ROBO1: variants seen among roughly 807,000 people sequenced by gnomAD.
The protein encoded by ROBO1 is roundabout guidance receptor 1, also known as roundabout homolog 1.
A neutral mutation model predicts 195.9 loss-of-function variants in ROBO1; 149 were observed. That is an observed-to-expected ratio of 0.76 (90% CI 0.67 to 0.87). The LOEUF (loss-of-function observed/expected upper bound fraction) is 0.87. Ranked by LOEUF, ROBO1 falls within the 40% of genes least tolerant of loss-of-function variation. ROBO1 has a pLI of 0.00. For synonymous variants in ROBO1, 816 were observed against 733.2 expected (o/e 1.11, Z -1.82); for missense variants, 1,933 against 2,068.3 (o/e 0.93, Z 1.27).
chr3:79,100,639 T>C (rs2079658700), intron 3 of ROBO1, among the ~76,000 whole-genome samples: 1 of 151,846 alleles, frequency 6.6e-6, no homozygotes, highest in Admixed American at 6.6e-5. Context: ...AAATAATTTA[T>C]GTTAAGTGAC....
chr3:79,112,954 T>TA (rs556229437), intron 3 of ROBO1, among the ~76,000 whole-genome samples: 16 of 147,802 alleles, frequency 1.1e-4, no homozygotes, highest in African/African-American at 1.5e-4. Context: ...GAGATGTGGT[T>TA]AAAAAAAAAA....
At chr3:78,623,294 A>G (rs566399116) in intron 26 of ROBO1, among the ~76,000 whole-genome samples, 2 of 152,306 alleles carry the variant, frequency 1.3e-5, no homozygotes, top group African/African-American at 4.8e-5. Context: ...TTAATCTTGG[A>G]TCTAAAGGAT....
At chr3:79,574,298 T>A (rs1943376292) in intron 2 of ROBO1, among the ~76,000 whole-genome samples, 1 of 152,044 alleles carries the variant, frequency 6.6e-6, no homozygotes, top group Admixed American at 6.6e-5. Context: ...CGCGTTTACA[T>A]ACATTCTACT....
intron 4 of ROBO1, among the ~76,000 whole-genome samples, chr3:78,797,660 G>T (rs2084226379): frequency 6.6e-6 from 1 of 152,048 alleles, no homozygotes; most frequent in Admixed American, 6.6e-5. Context: ...GTCGGGGATG[G>T]GTGTGGTACT....
At chr3:79,273,189 G>C (rs1216375970) in intron 2 of ROBO1, among the ~76,000 whole-genome samples, 17 of 152,060 alleles carry the variant, frequency 1.1e-4, no homozygotes, top group Non-Finnish European at 1.5e-5. Flanking sequence ...AGTGGTAGTA[G>C]TTAACTGACA....
At chr3:79,421,126 A>C (rs1235171857) in intron 2 of ROBO1, among the ~76,000 whole-genome samples, 2 of 152,118 alleles carry the variant, frequency 1.3e-5, no homozygotes, top group African/African-American at 2.4e-5. Context: ...CAGAAATAGA[A>C]AATGAAATAC....
At chr3:78,806,706 G>A (rs1336509410) in intron 4 of ROBO1, among the ~76,000 whole-genome samples, 1 of 152,140 alleles carries the variant, frequency 6.6e-6, no homozygotes, top group Non-Finnish European at 1.5e-5. Context: ...AACCATGTTT[G>A]CATAAATATG....
intron 2 of ROBO1, among the ~76,000 whole-genome samples, chr3:79,229,941 CTCTT>C (rs2082291807): frequency 6.6e-6 from 1 of 152,188 alleles, no homozygotes; most frequent in Admixed American, 6.5e-5. Context: ...TCATAAGCGA[CTCTT>C]TCTTTCAGTA....
intron 10 of ROBO1, among the ~76,000 whole-genome samples, chr3:78,672,335 T>C (rs1390036198): frequency 2.0e-5 from 3 of 152,110 alleles, no homozygotes; most frequent in African/African-American, 7.2e-5. Flanking sequence ...ATCCTGCACT[T>C]TGGGTGGCCA....
intron 2 of ROBO1, among the ~76,000 whole-genome samples, chr3:79,215,410 A>G (rs527863073): frequency 6.6e-6 from 1 of 152,104 alleles, no homozygotes; most frequent in Admixed American, 6.6e-5. Flanking sequence ...AGCATAAACT[A>G]ATCGGAGGAA....
intron 2 of ROBO1, among the ~76,000 whole-genome samples, chr3:79,136,381 A>G (rs563157304): frequency 7.4e-4 from 112 of 152,306 alleles, no homozygotes; most frequent in South Asian, 1.2e-3. Context: ...ATAAAGTGTC[A>G]AGCTAGTTTC....
intron 4 of ROBO1, among the ~76,000 whole-genome samples, chr3:78,870,207 T>C (rs541500682): frequency 2.2e-4 from 34 of 152,338 alleles, no homozygotes; most frequent in Admixed American, 4.6e-4. Context: ...TCATGGTTTG[T>C]TCACTTGATT....
chr3:79,555,413 T>A (rs1942663081), intron 2 of ROBO1, among the ~76,000 whole-genome samples: 3 of 152,128 alleles, frequency 2.0e-5, no homozygotes. Flanking sequence ...TATTTAATTT[T>A]CAGTGTGATA....
intron 4 of ROBO1, among the ~76,000 whole-genome samples, chr3:78,877,044 G>A (rs1052304189): frequency 5.9e-5 from 9 of 152,026 alleles, no homozygotes; most frequent in Middle Eastern, 6.3e-3. Flanking sequence ...AAGTATTATC[G>A]CTGCTAGATC....
intron 3 of ROBO1, among the ~76,000 whole-genome samples, chr3:78,948,864 A>G (rs1233867528): frequency 1.3e-5 from 2 of 152,200 alleles, no homozygotes; most frequent in East Asian, 1.9e-4. Flanking sequence ...TTATACGCCA[A>G]TAACAGACAA....
chr3:79,742,506 C>G (rs1007668240), intron 1 of ROBO1, among the ~76,000 whole-genome samples: 2 of 152,178 alleles, frequency 1.3e-5, no homozygotes, highest in African/African-American at 4.8e-5. Context: ...CTCTCTCTCT[C>G]TCTCCCCACT....
chr3:79,234,740 T>C (rs1261398097), intron 2 of ROBO1, among the ~76,000 whole-genome samples: 1 of 152,066 alleles, frequency 6.6e-6, no homozygotes, highest in Non-Finnish European at 1.5e-5. Context: ...AAATATAATA[T>C]GATCTCACTT....
At chr3:79,488,356 A>G (rs1442451526) in intron 2 of ROBO1, among the ~76,000 whole-genome samples, 1 of 152,174 alleles carries the variant, frequency 6.6e-6, no homozygotes, top group Non-Finnish European at 1.5e-5. Flanking sequence ...ATACTTATAG[A>G]GCACTTTAAT....
intron 2 of ROBO1, among the ~76,000 whole-genome samples, chr3:79,582,157 C>T (rs2107791950): frequency 6.6e-6 from 1 of 151,732 alleles, no homozygotes; most frequent in Non-Finnish European, 1.5e-5. Flanking sequence ...CTATCATGCT[C>T]ATATATTTTC....
Sources: gnomAD v4.1 joint callset for allele counts (sites outside exome capture counted in the v4.1 genomes callset) on GRCh38, gnomAD v4.1.1 for gene constraint, MANE v1.5 for transcripts, NCBI Gene and HGNC (gene_info 2026-07-23, HGNC 2026-07-21) for gene names.